The following PRDM2 variants were observed in gnomAD, a reference collection of about 807,000 sequenced individuals.
PRDM2 encodes the protein PR domain zinc finger protein 2.
In PRDM2, 30 loss-of-function variants were observed where a neutral mutation model predicts 130.0. That is an observed-to-expected ratio of 0.23 (90% CI 0.17 to 0.31). The LOEUF (loss-of-function observed/expected upper bound fraction) is 0.31, where lower values mean the gene tolerates loss of function less well. PRDM2 is among the 10% of genes least tolerant of loss of function. The pLI is 1.00. For missense variants in PRDM2, 2,011 were observed against 2,108.4 expected, an observed-to-expected ratio of 0.95 and a Z score of 0.90; for synonymous variants, 871 against 782.4, an observed-to-expected ratio of 1.11 and a Z score of -1.89.
intron 8 of PRDM2, among the ~76,000 whole-genome samples, chr1:13,796,526 C>T (rs11802460): frequency 0.14 from 21,429 of 152,014 alleles, 1,773 homozygotes; most frequent in East Asian, 0.3. Context: ...GAGGCTGAGG[C>T]GGGAGGATCA....
chr1:13,761,860 G>A (rs1251409576), intron 6 of PRDM2, among the ~76,000 whole-genome samples: 2 of 152,202 alleles, frequency 1.3e-5, no homozygotes, highest in Non-Finnish European at 2.9e-5. Context: ...GAGTGAGTGA[G>A]TGACAGAATT....
chr1:13,750,748 C>T (rs1192483418), intron 6 of PRDM2, among the ~76,000 whole-genome samples: 3 of 151,516 alleles, frequency 2.0e-5, no homozygotes, highest in African/African-American at 7.3e-5. Flanking sequence ...GATCCTGAAT[C>T]AGACGATCAG....
intron 2 of PRDM2, among the ~76,000 whole-genome samples, chr1:13,717,114 G>A (rs4344326): frequency 0.96 from 145,624 of 152,266 alleles, 69,720 homozygotes; most frequent in East Asian, 1. Context: ...GAGGACATAT[G>A]TCATAAAAAA....
chr1:13,750,610 T>C (rs1490013591), intron 6 of PRDM2, among the ~76,000 whole-genome samples: 1 of 152,170 alleles, frequency 6.6e-6, no homozygotes, highest in African/African-American at 2.4e-5. Flanking sequence ...ATGTATTCTT[T>C]GTATGTCACC....
At chr1:13,822,766 T>A (rs1645374134) in intron 9 of PRDM2, among the ~76,000 whole-genome samples, 1 of 152,118 alleles carries the variant, frequency 6.6e-6, no homozygotes, top group Non-Finnish European at 1.5e-5. Context: ...ACAGAATGGG[T>A]GGCTCTCACA....
chr1:13,782,274 A>G lies in PRDM2; in HGVS notation c.4479A>G (p.Ser1493=), dbSNP rs1644630673. ...CTCCCAAAAAAAAAGTTTCTCATTC[A>G]TCTAAGAAAGGTGGACACTCATCAC... ...LSPPKKKVSH[S]SKKGGHSSPA... The change falls in exon 8 of 10, where the codon TCA becomes TCG. Residue 1493 remains serine, a synonymous_variant. Transcript: ENST00000311066. 6.2e-7 allele frequency: 1 copy of G among 1,613,826 alleles called. No individual in the cohort carries two copies. The highest frequency in any genetic ancestry group is 2.2e-5 in the East Asian group (1 of 44,866).
chr1:13,756,797 G>A (rs756500935), intron 6 of PRDM2, among the ~76,000 whole-genome samples: 9 of 152,148 alleles, frequency 5.9e-5, no homozygotes, highest in African/African-American at 1.2e-4. Context: ...AGTTACACTC[G>A]TTTCTAGCAT....
In PRDM2 at chr1:13,820,252, C is replaced by G. The variant is rs151233269; in HGVS notation, c.*24-2907C>G. Among the ~76,000 whole-genome samples the G allele has an allele frequency of 8.1e-3, 1,239 of 152,280 alleles. 12 individuals are homozygous for G. The highest frequency in any genetic ancestry group is 0.02 in the Middle Eastern group (6 of 294). ...CATGGCTTTGGCTGCTTAGCCTGCT[C>G]TTGCCCATTCCGGATTCAAGGCTTC... On this transcript the variant is annotated intron_variant, in intron 9 of 9. Transcript: ENST00000311066.
intron 5 of PRDM2, among the ~76,000 whole-genome samples, chr1:13,745,891 T>G (rs1643589064): frequency 8.1e-6 from 1 of 124,152 alleles, no homozygotes; most frequent in South Asian, 2.3e-4. Flanking sequence ...TGACCTATGA[T>G]TTTTTAAAAG....
At position 13,799,082 on chromosome 1, in the gene PRDM2, AG is replaced by A. The variant is rs377104467; in HGVS notation, c.5036+16253del. ...ACACAAGCACTCCAGGCAAACACAG[AG>A]GTCTCCGCCACTTACTTCGTCACTA... On this transcript the variant is annotated intron_variant, in intron 8 of 9. Coordinates refer to ENST00000311066, the MANE Select transcript of PRDM2 (RefSeq NM_001393986.1). Among the ~76,000 whole-genome samples the A allele has an allele frequency of 1.9e-3, 288 of 152,328 alleles. 2 individuals are homozygous for A. Among genetic ancestry groups the A allele is most frequent in the African/African-American group, 6.3e-3 (261 of 41,568 alleles).
chr1:13,760,406 C>T (rs1472568800), intron 6 of PRDM2, among the ~76,000 whole-genome samples: 1 of 151,590 alleles, frequency 6.6e-6, no homozygotes, highest in Admixed American at 6.6e-5. Context: ...GTTGCTTTTG[C>T]ATTAGATGCA....
At chr1:13,787,887 G>C in intron 8 of PRDM2, 1 of 984,764 alleles carries the variant, frequency 1.0e-6, no homozygotes, top group Non-Finnish European at 1.2e-6. Context: ...AGCACTGAGA[G>C]AGAGAGAGGT....
intron 6 of PRDM2, among the ~76,000 whole-genome samples, chr1:13,765,124 A>ACC (rs1449830284): frequency 1.3e-4 from 20 of 152,220 alleles, no homozygotes; most frequent in Non-Finnish European, 2.5e-4. Context: ...TGATAACCAC[A>ACC]CCCACCCCGC....
At chr1:13,710,862 A>G (rs549532445) in intron 1 of PRDM2, among the ~76,000 whole-genome samples, 1 of 152,244 alleles carries the variant, frequency 6.6e-6, no homozygotes, top group South Asian at 2.1e-4. Flanking sequence ...TGAGGCGGAC[A>G]GATCACGAGG....
At chr1:13,743,226 C>G (rs1018599249) in intron 5 of PRDM2, among the ~76,000 whole-genome samples, 1 of 151,726 alleles carries the variant, frequency 6.6e-6, no homozygotes, top group Non-Finnish European at 1.5e-5. Flanking sequence ...GGTGAAACCC[C>G]GTCTCTACTA....
At chr1:13,821,307 T>G (rs1318671548) in intron 9 of PRDM2, among the ~76,000 whole-genome samples, 1 of 152,114 alleles carries the variant, frequency 6.6e-6, no homozygotes. Flanking sequence ...AATATTACAT[T>G]ATTAGTGGTA....
At chr1:13,714,381 T>C (rs901113842) in intron 1 of PRDM2, among the ~76,000 whole-genome samples, 3 of 151,874 alleles carry the variant, frequency 2.0e-5, no homozygotes, top group African/African-American at 4.8e-5. Flanking sequence ...CAAGAGTTTA[T>C]ATTGGTTTGG....
At chr1:13,787,850 G>T (rs544429236) in intron 8 of PRDM2, 2 of 982,594 alleles carry the variant, frequency 2.0e-6, no homozygotes, top group South Asian at 9.4e-5. Context: ...ATACAAAAAG[G>T]GGTTGTCCAT....
chr1:13,731,170 G>A, intron 3 of PRDM2, 53 bp downstream of exon 3: 3 of 1,441,532 alleles, frequency 2.1e-6, no homozygotes, highest in East Asian at 4.7e-5. Flanking sequence ...GCAGGTGGCA[G>A]TGAGGCTTCC....
Sources: gnomAD v4.1 joint callset for allele counts (sites outside exome capture counted in the v4.1 genomes callset) on GRCh38, gnomAD v4.1.1 for gene constraint, MANE v1.5 for transcripts, NCBI Gene and HGNC (gene_info 2026-07-23, HGNC 2026-07-21) for gene names.